EIF2A: variants seen among roughly 807,000 people sequenced by gnomAD.
The protein encoded by EIF2A is eukaryotic translation initiation factor 2A.
Under a neutral mutation model 75.2 loss-of-function variants are expected in EIF2A, and 62 were observed. The ratio of observed to expected loss-of-function variants is 0.82; its 90% CI spans 0.67 to 1.02. EIF2A has a LOEUF of 1.02. Among genes scored for constraint, EIF2A ranks in the 50% least tolerant of loss-of-function variants. The probability of loss-of-function intolerance (pLI) is 0.00; values close to 1 mark genes in which losing one functional copy is unlikely to be tolerated. For missense variants in EIF2A, 611 were observed against 677.7 expected (o/e 0.90, Z 1.09); for synonymous variants, 207 against 239.0 (o/e 0.87, Z 1.23).
chr3:150,574,205 G>C (rs1246624567), intron 10 of EIF2A, among the ~76,000 whole-genome samples: 1 of 152,088 alleles, frequency 6.6e-6, no homozygotes, highest in Admixed American at 6.6e-5. Context: ...CATAATAATT[G>C]ATATAACTGA....
chr3:150,548,096 T>G (rs6797044), intron 1 of EIF2A, among the ~76,000 whole-genome samples: 35 of 152,082 alleles, frequency 2.3e-4, no homozygotes, highest in Non-Finnish European at 4.4e-4. Flanking sequence ...ATTTATAATC[T>G]TTGAATTGCT....
chr3:150,547,469 CTG>C (rs1419600573), intron 1 of EIF2A, among the ~76,000 whole-genome samples: 14 of 152,162 alleles, frequency 9.2e-5, no homozygotes, highest in African/African-American at 3.4e-4. Context: ...AAGCTAAAGA[CTG>C]TAGTGTTGGA....
chr3:150,547,648 G>A (rs1450690024), intron 1 of EIF2A, among the ~76,000 whole-genome samples: 1 of 152,146 alleles, frequency 6.6e-6, no homozygotes, highest in Admixed American at 6.5e-5. Context: ...TAAGAGAAAG[G>A]TTGTCTGCAT....
intron 9 of EIF2A, 121 bp downstream of exon 9, chr3:150,568,413 T>C: frequency 1.3e-6 from 1 of 781,142 alleles, no homozygotes; most frequent in Non-Finnish European, 1.9e-6. Context: ...TTAATAACCT[T>C]TAAGATAAAA....
At chr3:150,555,642 G>A (rs756231910) in intron 2 of EIF2A, among the ~76,000 whole-genome samples, 16 of 151,564 alleles carry the variant, frequency 1.1e-4, no homozygotes, top group Admixed American at 5.9e-4. Context: ...TAATCCCAGC[G>A]CTTTGGGAGG....
intron 9 of EIF2A, among the ~76,000 whole-genome samples, chr3:150,569,420 A>ATT (rs11456857): frequency 0.068 from 10,220 of 150,138 alleles, 369 homozygotes; most frequent in Middle Eastern, 0.14. Context: ...ATGCTAACTG[A>ATT]TTTTTTTTTT....
chr3:150,564,216 T>A (rs536367612), intron 5 of EIF2A, 83 bp from the exon 6 acceptor site: 1 of 1,046,836 alleles, frequency 9.6e-7, no homozygotes, highest in Non-Finnish European at 1.4e-6. Flanking sequence ...GTAACCAATA[T>A]CATAAATTAC....
chr3:150,558,590 T>C lies in EIF2A; in HGVS notation c.173+128T>C, dbSNP rs1003511909. 1.1e-5 allele frequency: 8 copies of C among 725,108 alleles called. No individual in the cohort carries two copies. In the African/African-American group the frequency reaches 1.5e-4, roughly 14 times the overall value. 44.9% of individuals were successfully genotyped at this position (725,108 alleles called of 1,614,324 possible). A position where few individuals can be genotyped will look rare whatever the true frequency, so the allele number is the denominator to read the frequency against. On this transcript the variant is annotated intron_variant, in intron 3 of 13. Transcript: ENST00000460851. ...TTTAATGTCATGATGTAGTGAGATATTACCTCTCGTTACACAAAATACCTT... is the reference window on the plus strand; with the variant it reads ...TTTAATGTCATGATGTAGTGAGATACTACCTCTCGTTACACAAAATACCTT...
At chr3:150,568,336 T>A in intron 9 of EIF2A, 44 bp downstream of exon 9, 1 of 1,418,576 alleles carries the variant, frequency 7.0e-7, no homozygotes, top group Non-Finnish European at 9.7e-7. Flanking sequence ...ACAATGATAG[T>A]AAAAAATACT....
At chr3:150,554,114 C>T (rs1041936139) in intron 2 of EIF2A, among the ~76,000 whole-genome samples, 4 of 152,028 alleles carry the variant, frequency 2.6e-5, no homozygotes, top group African/African-American at 4.8e-5. Context: ...GTTAAAGGGT[C>T]GTAGGAAGCA....
chr3:150,562,419 C>CA (rs5853482), intron 3 of EIF2A, 123 bp from the exon 4 acceptor site: 25,925 of 549,888 alleles, frequency 0.047, 2 homozygotes, highest in Non-Finnish European at 0.053. Context: ...GACTCCATCT[C>CA]AAAAAAAAAA....
chr3:150,559,343 A>C (rs1466311629), intron 3 of EIF2A, among the ~76,000 whole-genome samples: 2 of 152,070 alleles, frequency 1.3e-5, no homozygotes, highest in African/African-American at 2.4e-5. Context: ...AATTAAAAAA[A>C]ATTGGTCTTT....
chr3:150,558,302 T>C (rs1012133219), intron 2 of EIF2A, 86 bp from the exon 3 acceptor site: 6 of 1,160,562 alleles, frequency 5.2e-6, no homozygotes, highest in Non-Finnish European at 5.8e-6. Flanking sequence ...ATTAAATTGA[T>C]AGTGAAATGG....
chr3:150,563,089 TAA>T (rs1723978383), intron 4 of EIF2A, among the ~76,000 whole-genome samples: 1 of 152,168 alleles, frequency 6.6e-6, no homozygotes, highest in African/African-American at 2.4e-5. Flanking sequence ...CCAAAATATT[TAA>T]AGAGATACTT....
chr3:150,549,630 A>C (rs1291218782), intron 1 of EIF2A, among the ~76,000 whole-genome samples: 2 of 152,184 alleles, frequency 1.3e-5, no homozygotes, highest in African/African-American at 4.8e-5. Flanking sequence ...CATTTTTGCC[A>C]GTAGTCTCAG....
intron 3 of EIF2A, among the ~76,000 whole-genome samples, chr3:150,559,152 A>G (rs183178804): frequency 6.6e-6 from 1 of 152,310 alleles, no homozygotes; most frequent in East Asian, 1.9e-4. Context: ...AAGGGGAGAA[A>G]CTGCATGCAT....
chr3:150,571,890 G>T, intron 9 of EIF2A, 68 bp from the exon 10 acceptor site: 1 of 1,417,144 alleles, frequency 7.1e-7, no homozygotes. Context: ...CTATATGATG[G>T]TAACTTTTGC....
intron 10 of EIF2A, 135 bp from the exon 11 acceptor site, chr3:150,575,514 T>C: frequency 1.5e-6 from 1 of 682,920 alleles, no homozygotes. Flanking sequence ...TACCAATGAG[T>C]TTCAAAATAA....
At chr3:150,583,000 T>C (rs1314720766) in intron 12 of EIF2A, 200 bp from the exon 13 acceptor site, 1 of 537,354 alleles carries the variant, frequency 1.9e-6, no homozygotes. Flanking sequence ...GAATAATATT[T>C]TGCCAAATCT....
Sources: allele counts gnomAD v4.1 joint callset (sites outside exome capture counted in the v4.1 genomes callset), GRCh38; gene constraint gnomAD v4.1.1; transcripts MANE v1.5; gene names NCBI Gene and HGNC (gene_info 2026-07-23, HGNC 2026-07-21).